Variants in KLRG1 observed in about 807,000 individuals in gnomAD.
The protein encoded by KLRG1 is killer cell lectin-like receptor subfamily G member 1.
Under a neutral mutation model 21.8 loss-of-function variants are expected in KLRG1, and 16 were observed. The observed-to-expected ratio is 0.73, with a 90% confidence interval of 0.50 to 1.11. The LOEUF is 1.11. KLRG1 is among the 50% of genes most tolerant of loss of function. The pLI, the probability that KLRG1 is intolerant of heterozygous loss-of-function variation, is 0.00. For synonymous variants in KLRG1, 69 were observed against 75.9 expected, an observed-to-expected ratio of 0.91 and a Z score of 0.47; for missense variants, 173 against 218.3, an observed-to-expected ratio of 0.79 and a Z score of 1.31.
At chr12:9,138,207 G>A in the KLRG1 span, among the ~76,000 whole-genome samples, 1 of 151,900 alleles carries the variant, frequency 6.6e-6, no homozygotes, top group Non-Finnish European at 1.5e-5. Context: ...ATAGTTTCTT[G>A]AGAGTTTTTA....
chr12:9,154,563 C>G, the KLRG1 span: 1 of 1,512,770 alleles, frequency 6.6e-7, no homozygotes, highest in East Asian at 2.3e-5. Context: ...TACTTTTAAG[C>G]CTCCCAATTG....
At chr12:9,198,532 GAC>G in the KLRG1 span, among the ~76,000 whole-genome samples, 1 of 152,150 alleles carries the variant, frequency 6.6e-6, no homozygotes, top group African/African-American at 2.4e-5. Context: ...CACGTGCACT[GAC>G]ACACATGCAC....
At chr12:9,088,484 T>C in the KLRG1 span, among the ~76,000 whole-genome samples, 1 of 152,086 alleles carries the variant, frequency 6.6e-6, no homozygotes, top group African/African-American at 2.4e-5. Context: ...GGAAGTTATG[T>C]TTTTAGGGTA....
At chr12:8,986,695 TCC>T (rs762582878), upstream of KLRG1, among the ~76,000 whole-genome samples, 1 of 152,120 alleles carries the variant, frequency 6.6e-6, no homozygotes, top group Non-Finnish European at 1.5e-5. Flanking sequence ...AGCCCCTGAT[TCC>T]TATGTTGCCT....
At chr12:9,119,035 G>A in the KLRG1 span, among the ~76,000 whole-genome samples, 143 of 152,320 alleles carry the variant, frequency 9.4e-4, 1 homozygote, top group Non-Finnish European at 1.8e-3. Flanking sequence ...GCAGGAGAGT[G>A]TGAGGTCTCT....
chr12:9,076,209 T>C, the KLRG1 span, among the ~76,000 whole-genome samples: 1 of 152,244 alleles, frequency 6.6e-6, no homozygotes, highest in Admixed American at 6.5e-5. Flanking sequence ...TGGGCATATA[T>C]TGAGAACTGA....
the KLRG1 span, among the ~76,000 whole-genome samples, chr12:9,191,157 G>A: frequency 6.6e-6 from 1 of 152,130 alleles, no homozygotes; most frequent in Admixed American, 6.5e-5. Context: ...TTTTCATACA[G>A]ACTCTTCCTG....
the KLRG1 span, among the ~76,000 whole-genome samples, chr12:9,198,264 T>C: frequency 6.6e-6 from 1 of 151,834 alleles, no homozygotes; most frequent in African/African-American, 2.4e-5. Context: ...AGGCAGGAGA[T>C]TCACATAAGC....
chr12:8,971,702 G>T (rs894714735), intron 1 of KLRG1, among the ~76,000 whole-genome samples: 1 of 152,022 alleles, frequency 6.6e-6, no homozygotes, highest in Non-Finnish European at 1.5e-5. Flanking sequence ...TGTTGGCCAG[G>T]CTGGTCTTGA....
chr12:9,094,315 C>T, the KLRG1 span, among the ~76,000 whole-genome samples: 2 of 138,502 alleles, frequency 1.4e-5, no homozygotes, highest in African/African-American at 5.4e-5. Flanking sequence ...ATTTCACAAC[C>T]AGCTCTCTGG....
the KLRG1 span, among the ~76,000 whole-genome samples, chr12:9,197,409 A>G: frequency 3.5e-5 from 5 of 141,382 alleles, no homozygotes; most frequent in Non-Finnish European, 7.6e-5. Context: ...TTATATTTTA[A>G]TGTTTAATTA....
the KLRG1 span, chr12:9,200,760 T>C: frequency 1.2e-5 from 12 of 965,676 alleles, no homozygotes; most frequent in Middle Eastern, 2.5e-4. Context: ...CACACCGTCC[T>C]AATGGTCTTA....
chr12:9,083,604 A>T, the KLRG1 span, among the ~76,000 whole-genome samples: 1 of 151,980 alleles, frequency 6.6e-6, no homozygotes, highest in African/African-American at 2.4e-5. Context: ...CAGGCAGAAG[A>T]GCAGAAAGAC....
chr12:9,092,408 C>A, the KLRG1 span, among the ~76,000 whole-genome samples: 1 of 152,018 alleles, frequency 6.6e-6, no homozygotes, highest in South Asian at 2.1e-4. Context: ...CAGTGGCTAC[C>A]CGCCCCCACC....
the KLRG1 span, chr12:9,079,717 A>C: frequency 6.2e-7 from 1 of 1,613,686 alleles, no homozygotes; most frequent in Non-Finnish European, 8.5e-7. Flanking sequence ...TCCAGTACAT[A>C]GATGTTAGGA....
the KLRG1 span, chr12:9,109,876 C>T: frequency 6.3e-7 from 1 of 1,599,206 alleles, no homozygotes; most frequent in Non-Finnish European, 8.5e-7. Flanking sequence ...CCAAATTCCT[C>T]CACGGTGAAA....
the KLRG1 span, chr12:9,165,031 A>G: frequency 7.4e-7 from 1 of 1,355,246 alleles, no homozygotes; most frequent in Non-Finnish European, 1.0e-6. Context: ...CAGTGCTAAC[A>G]CACAATCCCT....
chr12:9,036,824 G>A, the KLRG1 span: 1 of 423,176 alleles, frequency 2.4e-6, no homozygotes, highest in Non-Finnish European at 4.7e-6. Context: ...ACGAGGGCTG[G>A]CTTGCTGGGT....
At chr12:9,153,639 A>T in the KLRG1 span, among the ~76,000 whole-genome samples, 1 of 152,376 alleles carries the variant, frequency 6.6e-6, no homozygotes, top group East Asian at 1.9e-4. Flanking sequence ...AGTTAAGACA[A>T]AAATAGTGAC....
Sources: gnomAD v4.1 joint callset for allele counts (sites outside exome capture counted in the v4.1 genomes callset) on GRCh38, gnomAD v4.1.1 for gene constraint, MANE v1.5 for transcripts, NCBI Gene and HGNC (gene_info 2026-07-23, HGNC 2026-07-21) for gene names.